CPA6: variants seen among roughly 807,000 people sequenced by gnomAD.
CPA6 encodes the protein carboxypeptidase B.
A neutral mutation model predicts 63.3 loss-of-function variants in CPA6; 58 were observed. The observed-to-expected ratio is 0.92, with a 90% confidence interval of 0.74 to 1.14. CPA6 has a LOEUF of 1.14. Ranked by LOEUF, CPA6 falls within the 50% of genes most tolerant of loss-of-function variation. The probability of loss-of-function intolerance (pLI) is 0.00; values close to 1 mark genes in which losing one functional copy is unlikely to be tolerated. For missense variants in CPA6, 565 were observed against 526.6 expected, an observed-to-expected ratio of 1.07 and a Z score of -0.71; for synonymous variants, 185 against 179.0, an observed-to-expected ratio of 1.03 and a Z score of -0.27.
intron 1 of CPA6, among the ~76,000 whole-genome samples, chr8:67,660,496 A>ATTTTTTT (rs5892089): frequency 1.3e-4 from 10 of 78,922 alleles, no homozygotes; most frequent in African/African-American, 3.0e-4. Context: ...TGCCCGGCTC[A>ATTTTTTT]TTTTTTTTTT....
chr8:67,442,326 T>C (rs1810311348), intron 8 of CPA6, among the ~76,000 whole-genome samples: 1 of 151,768 alleles, frequency 6.6e-6, no homozygotes, highest in South Asian at 2.1e-4. Flanking sequence ...TAATGTGATA[T>C]TGTAATATGA....
intron 2 of CPA6, among the ~76,000 whole-genome samples, chr8:67,528,899 G>T (rs1812420657): frequency 6.6e-6 from 1 of 151,496 alleles, no homozygotes; most frequent in African/African-American, 2.4e-5. Context: ...GGTATGTTCT[G>T]CCAAGGACAG....
chr8:67,579,521 A>T (rs1166206185), intron 2 of CPA6, among the ~76,000 whole-genome samples: 1 of 152,258 alleles, frequency 6.6e-6, no homozygotes, highest in Non-Finnish European at 1.5e-5. Context: ...TTATAAGCAT[A>T]ATAAATACCA....
chr8:67,627,208 C>CT (rs1342208083), intron 1 of CPA6, among the ~76,000 whole-genome samples: 1 of 152,108 alleles, frequency 6.6e-6, no homozygotes, highest in African/African-American at 2.4e-5. Context: ...AACAAGAGCT[C>CT]TTTATTCAGC....
intron 2 of CPA6, among the ~76,000 whole-genome samples, chr8:67,566,288 G>A (rs1813334601): frequency 6.6e-6 from 1 of 152,210 alleles, no homozygotes; most frequent in Admixed American, 6.5e-5. Flanking sequence ...TGACCTTGCA[G>A]TCACCTTCTC....
intron 2 of CPA6, among the ~76,000 whole-genome samples, chr8:67,619,440 G>A (rs907619462): frequency 6.6e-6 from 1 of 152,180 alleles, no homozygotes; most frequent in Non-Finnish European, 1.5e-5. Context: ...AAATCAAGCT[G>A]TTAAAACAGC....
At chr8:67,612,333 G>A (rs916469949) in intron 2 of CPA6, among the ~76,000 whole-genome samples, 3 of 152,090 alleles carry the variant, frequency 2.0e-5, no homozygotes, top group East Asian at 1.9e-4. Flanking sequence ...AAGCCTCAGC[G>A]TGGCCCCATA....
At chr8:67,485,450 A>C (rs898057861) in intron 6 of CPA6, among the ~76,000 whole-genome samples, 23 of 152,204 alleles carry the variant, frequency 1.5e-4, no homozygotes, top group African/African-American at 5.3e-4. Context: ...AGAACAATGT[A>C]TGATATTGTG....
At chr8:67,670,412 A>G (rs1369810015) in intron 1 of CPA6, among the ~76,000 whole-genome samples, 2 of 152,194 alleles carry the variant, frequency 1.3e-5, no homozygotes, top group South Asian at 2.1e-4. Flanking sequence ...AATCCGCCTC[A>G]GTGATCCAAT....
chr8:67,592,148 G>A (rs1485065563), intron 2 of CPA6, among the ~76,000 whole-genome samples: 14 of 152,156 alleles, frequency 9.2e-5, no homozygotes, highest in African/African-American at 2.9e-4. Flanking sequence ...AGATAATCAC[G>A]TGGTTTTTGT....
chr8:67,483,902 A>G, intron 7 of CPA6, 44 bp from the exon 8 acceptor site: 1 of 1,484,570 alleles, frequency 6.7e-7, no homozygotes, highest in Non-Finnish European at 9.4e-7. Flanking sequence ...AATACTTAAA[A>G]GGTTATTCGC....
chr8:67,667,267 C>T (rs889680276), intron 1 of CPA6, among the ~76,000 whole-genome samples: 3 of 152,254 alleles, frequency 2.0e-5, no homozygotes, highest in East Asian at 1.9e-4. Flanking sequence ...TTATGTTTAA[C>T]GATGCCACAG....
At chr8:67,568,958 C>T (rs1813413365) in intron 2 of CPA6, among the ~76,000 whole-genome samples, 2 of 152,128 alleles carry the variant, frequency 1.3e-5, no homozygotes, top group African/African-American at 4.8e-5. Flanking sequence ...ACCATGTTGG[C>T]CAGGCTGGTC....
intron 1 of CPA6, among the ~76,000 whole-genome samples, chr8:67,673,225 C>G (rs1415605304): frequency 6.6e-6 from 1 of 151,982 alleles, no homozygotes; most frequent in African/African-American, 2.4e-5. Context: ...GGCATTCATT[C>G]AAACTACATC....
chr8:67,610,021 C>CAACAA (rs112893898), intron 2 of CPA6, among the ~76,000 whole-genome samples: 14,979 of 149,086 alleles, frequency 0.1, 812 homozygotes, highest in Middle Eastern at 0.13. Context: ...GACTCCGTCT[C>CAACAA]AACAAAACAA....
chr8:67,726,069 T>C (rs1817590685), intron 1 of CPA6, among the ~76,000 whole-genome samples: 1 of 152,172 alleles, frequency 6.6e-6, no homozygotes, highest in African/African-American at 2.4e-5. Context: ...CAAAAGCCTC[T>C]TTAATCAAGG....
intron 8 of CPA6, among the ~76,000 whole-genome samples, chr8:67,460,972 C>T (rs1810786891): frequency 6.6e-6 from 1 of 151,898 alleles, no homozygotes; most frequent in South Asian, 2.1e-4. Flanking sequence ...CTTTGCTCTT[C>T]CCCACCCCTT....
intron 8 of CPA6, among the ~76,000 whole-genome samples, chr8:67,463,473 AATAG>A (rs66509615): frequency 0.12 from 16,839 of 145,368 alleles, 2,551 homozygotes; most frequent in African/African-American, 0.37. Context: ...TAAATAAATA[AATAG>A]ATAAATAAAA....
At chr8:67,544,342 G>A (rs565101200) in intron 2 of CPA6, among the ~76,000 whole-genome samples, 18 of 152,278 alleles carry the variant, frequency 1.2e-4, no homozygotes, top group Admixed American at 8.5e-4. Context: ...ACGCTTCCGT[G>A]GATGCTAAGC....
Sources: allele counts gnomAD v4.1 joint callset (sites outside exome capture counted in the v4.1 genomes callset), GRCh38; gene constraint gnomAD v4.1.1; transcripts MANE v1.5; gene names NCBI Gene and HGNC (gene_info 2026-07-23, HGNC 2026-07-21).